The following DET1 variants were observed in gnomAD, a reference collection of about 807,000 sequenced individuals.
DET1 encodes the protein DET1 partner of COP1 E3 ubiquitin ligase, also known as DET1 homolog.
A neutral mutation model predicts 43.7 loss-of-function variants in DET1; 22 were observed. The observed-to-expected ratio is 0.50, with a 90% confidence interval of 0.36 to 0.72. The LOEUF (loss-of-function observed/expected upper bound fraction) is 0.72. Ranked by LOEUF, DET1 falls within the 30% of genes least tolerant of loss-of-function variation. The pLI is 0.00. For missense variants in DET1, 713 were observed against 713.3 expected, an observed-to-expected ratio of 1.00 and a Z score of 0.00; for synonymous variants, 315 against 266.2, an observed-to-expected ratio of 1.18 and a Z score of -1.79.
Position 88,516,509 on chromosome 15 carries a change from G to A in DET1, c.1463+273C>T, listed in dbSNP as rs1391148053. Among the ~76,000 whole-genome samples the A allele has an allele frequency of 2.0e-5, 3 of 152,158 alleles. No homozygotes were observed. In the East Asian group the frequency reaches 5.8e-4, roughly 29 times the overall value. ...GGAATGGTATTAGATTATTAAATGG[G>A]AAAGTACAGCTTCCTCCCCTGGATA... On this transcript the variant is annotated intron_variant, in intron 4 of 4. Transcript: ENST00000268148. This position sits in a 1 kb window ranked among gnomAD's most constrained non-coding sequence, Gnocchi z 4.4.
intron 4 of DET1, among the ~76,000 whole-genome samples, chr15:88,513,485 G>A (rs1403798372): frequency 1.3e-5 from 2 of 151,896 alleles, no homozygotes; most frequent in African/African-American, 4.8e-5. Flanking sequence ...TGCAAGCCAC[G>A]TGTGTAATTT....
intron 1 of DET1, among the ~76,000 whole-genome samples, chr15:88,542,013 T>C (rs2057121496): frequency 6.6e-6 from 1 of 152,012 alleles, no homozygotes; most frequent in Non-Finnish European, 1.5e-5. Flanking sequence ...CCTTCCTGTT[T>C]TATGTCCCTT....
intron 1 of DET1, among the ~76,000 whole-genome samples, chr15:88,534,919 A>G (rs2056908874): frequency 6.6e-6 from 1 of 152,250 alleles, no homozygotes; most frequent in Non-Finnish European, 1.5e-5. Context: ...ATCATTCAGC[A>G]TATGAAGTAC....
chr15:88,515,268 G>A (rs368569277), intron 4 of DET1, among the ~76,000 whole-genome samples: 38 of 152,166 alleles, frequency 2.5e-4, no homozygotes, highest in East Asian at 2.3e-3. Flanking sequence ...GGCCAGGCAC[G>A]GTGGCTCAAG....
intron 3 of DET1, among the ~76,000 whole-genome samples, chr15:88,526,462 G>T (rs1040456800): frequency 6.6e-6 from 1 of 151,934 alleles, no homozygotes; most frequent in Non-Finnish European, 1.5e-5. Flanking sequence ...CAGAAGCTCT[G>T]GCTCATAGGA....
downstream of DET1, among the ~76,000 whole-genome samples, chr15:88,507,936 A>G (rs1031651341): frequency 6.6e-6 from 1 of 152,170 alleles, no homozygotes; most frequent in African/African-American, 2.4e-5. Flanking sequence ...CTTCATCTCT[A>G]TTTACAGCTG....
intron 1 of DET1, among the ~76,000 whole-genome samples, chr15:88,533,282 A>G (rs147444809): frequency 1.6e-4 from 24 of 152,336 alleles, no homozygotes; most frequent in Middle Eastern, 3.4e-3. Flanking sequence ...AAAAAAGAAA[A>G]TGACAAGTTT....
intron 1 of DET1, chr15:88,532,006 T>C: frequency 3.4e-6 from 1 of 298,198 alleles, no homozygotes; most frequent in Non-Finnish European, 6.2e-6. Context: ...ATTTGAACAG[T>C]ATAAGACACA....
At chr15:88,515,507 C>T (rs979179538) in intron 4 of DET1, among the ~76,000 whole-genome samples, 7 of 115,892 alleles carry the variant, frequency 6.0e-5, no homozygotes, top group South Asian at 3.0e-4. Context: ...CCATTGCACT[C>T]GAGCCTGGGC....
chr15:88,539,115 CTT>C (rs1485144249), intron 1 of DET1, among the ~76,000 whole-genome samples: 2 of 134,478 alleles, frequency 1.5e-5, no homozygotes, highest in African/African-American at 5.7e-5. Context: ...CTCTCTCTCT[CTT>C]TCTCTTATTC....
In DET1 at chr15:88,531,136, G is replaced by C; in HGVS notation, c.570C>G (p.Asp190Glu). 2 of 1,613,998 alleles carry C rather than the reference G, an allele frequency of 1.2e-6. No individual in the cohort carries two copies. Among genetic ancestry groups the C allele is most frequent in the Non-Finnish European group, 8.5e-7 (1 of 1,179,896 alleles). ...VTPNPRSPLE[D>E]YSLHIIDLHT... ...GAAGGTCAATGATATGGAGGGAATA[G>C]TCTTCTAGAGGGGACCGTGGGTTGG... Residue 190 changes from aspartate to glutamate, a missense_variant, in exon 2 of 5, where the codon GAC becomes GAG. By Grantham distance (45) the Asp-to-Glu change is conservative. Transcript: ENST00000268148. The surrounding 1 kb of genome is among the most constrained non-coding windows in gnomAD (Gnocchi z 6.2).
rs7163110 is a variant in DET1, at chr15:88,504,107, T to C, written c.*2066-120A>G. The C allele has an allele frequency of 0.69, 105,690 of 152,122 alleles. 36,976 individuals are homozygous for C. Among genetic ancestry groups the C allele is most frequent in the South Asian group, 0.84 (4,041 of 4,824 alleles). The allele number at this position is 152,122 out of a possible 1,614,324, so 9.4% of individuals were successfully genotyped here. A position where few individuals can be genotyped will look rare whatever the true frequency, so the allele number is the denominator to read the frequency against. ...TTTCTCATGAGGTTGCTGTCATCTATAGGCTTGAATGAAGCGGGAGGACTG... is the reference window on the plus strand; with the variant it reads ...TTTCTCATGAGGTTGCTGTCATCTACAGGCTTGAATGAAGCGGGAGGACTG... On this transcript the variant is annotated intron_variant and NMD_transcript_variant, in intron 7 of 8. Transcript: ENST00000557842. This position sits in a 1 kb window ranked among gnomAD's most constrained non-coding sequence, Gnocchi z 4.7.
At chr15:88,524,501 G>A (rs979874890) in intron 3 of DET1, among the ~76,000 whole-genome samples, 7 of 152,266 alleles carry the variant, frequency 4.6e-5, no homozygotes, top group East Asian at 1.9e-4. Context: ...TGACGATGGC[G>A]GTTTTGTCGA....
Position 88,531,498 on chromosome 15 carries a change from G to A in DET1, c.208C>T (p.Arg70Cys), listed in dbSNP as rs180884171. The A allele has an allele frequency of 4.8e-5, 78 of 1,613,972 alleles. No individual in the cohort carries two copies. The highest frequency in any genetic ancestry group is 1.6e-4 in the Middle Eastern group (1 of 6,062). ...TCTGAAGAAAAAGCAATAAAGTAGC[G>A]TCCATCAGGTGAGAATTTACGCAAG... ...CFLRKFSPDG[R>C]YFIAFSSDQT... Residue 70 changes from arginine to cysteine, a missense_variant, in exon 2 of 5, where the codon CGC becomes TGC. By Grantham distance (180) the Arg-to-Cys change is radical. Coordinates refer to ENST00000268148, the MANE Select transcript of DET1 (RefSeq NM_001144074.3). The surrounding 1 kb of genome is among the most constrained non-coding windows in gnomAD (Gnocchi z 6.2).
chr15:88,545,145 C>T (rs773454846), intron 1 of DET1, among the ~76,000 whole-genome samples: 1 of 152,056 alleles, frequency 6.6e-6, no homozygotes, highest in African/African-American at 2.4e-5. Flanking sequence ...TTCGGTAACT[C>T]GTGCTTCTCA....
At chr15:88,534,672 G>C (rs1031929725) in intron 1 of DET1, among the ~76,000 whole-genome samples, 2 of 152,144 alleles carry the variant, frequency 1.3e-5, no homozygotes, top group African/African-American at 4.8e-5. Flanking sequence ...TCAACACCCA[G>C]ATTGCAGACT....
chr15:88,541,919 G>A (rs551982184), intron 1 of DET1, among the ~76,000 whole-genome samples: 24 of 152,266 alleles, frequency 1.6e-4, no homozygotes, highest in East Asian at 1.5e-3. Context: ...ATTGCCTCCC[G>A]GCTGTGACCG....
In DET1 at chr15:88,538,562, C is replaced by G. The variant is rs555774265; in HGVS notation, c.-10-6847G>C. Among the ~76,000 whole-genome samples, 463 of 152,180 alleles carry G rather than the reference C, an allele frequency of 3.0e-3. 3 individuals carry two copies. The highest frequency in any genetic ancestry group is 0.01 in the African/African-American group (427 of 41,504). ...GGCTGAGAGAATTTTGAGCATTAGC[C>G]GTCTCTCGGTCACCGGCTAGTAAAG... On this transcript the variant is annotated intron_variant, in intron 1 of 4. Coordinates refer to ENST00000268148, the MANE Select transcript of DET1 (RefSeq NM_001144074.3).
At chr15:88,533,163 C>G (rs1029065925) in intron 1 of DET1, among the ~76,000 whole-genome samples, 3 of 152,060 alleles carry the variant, frequency 2.0e-5, no homozygotes, top group African/African-American at 7.3e-5. Context: ...CAAATGGCCA[C>G]AAAGCATATG....
Sources: allele counts gnomAD v4.1 joint callset (sites outside exome capture counted in the v4.1 genomes callset), GRCh38; gene constraint gnomAD v4.1.1; non-coding constraint Gnocchi (gnomAD v3.1); transcripts MANE v1.5; gene names NCBI Gene and HGNC (gene_info 2026-07-23, HGNC 2026-07-21).